The following FCRL5 variants were observed in gnomAD, a reference collection of about 807,000 sequenced individuals.
FCRL5 encodes Fc receptor like 5, also known as Fc receptor-like protein 5.
FCRL5 carries 79 observed loss-of-function variants against 92.1 expected under a neutral mutation model. The observed-to-expected ratio is 0.86, with a 90% CI of 0.72 to 1.03. The LOEUF is 1.03. Among genes scored for constraint, FCRL5 ranks in the 50% least tolerant of loss-of-function variants. The pLI, the probability that FCRL5 is intolerant of heterozygous loss-of-function variation, is 0.00. For synonymous variants in FCRL5, 466 were observed against 469.3 expected, an observed-to-expected ratio of 0.99 and a Z score of 0.09; for missense variants, 1,160 against 1,181.1, an observed-to-expected ratio of 0.98 and a Z score of 0.26.
At position 157,544,901 on chromosome 1, in the gene FCRL5, T is replaced by G. The variant is rs1343366659; in HGVS notation, c.489A>C (p.Ala163=). 1 of 1,614,076 alleles carries G rather than the reference T, an allele frequency of 6.2e-7. No homozygotes were observed. Among genetic ancestry groups the G allele is most frequent in the South Asian group, 1.1e-5 (1 of 91,090 alleles). The change falls in exon 4 of 17, where the codon GCA becomes GCC. Residue 163 remains alanine, a synonymous_variant. Transcript: ENST00000361835. ...IPHACLKDNG[A]YRCTGYKESC... is the part of the protein sequence containing the mutation. ...TTTCCTTATATCCAGTACAGCGATA[T>G]GCACCATTGTCCTTGAGACATGCAT...
intron 8 of FCRL5, chr1:157,533,260 G>A (rs762934367): frequency 1.3e-5 from 2 of 151,850 alleles, no homozygotes; most frequent in Admixed American, 1.3e-4. Flanking sequence ...ATTTTCTGAG[G>A]GTCTCCATTT....
rs137872834 is a variant in FCRL5, at chr1:157,528,091, C to T, written c.1682-196G>A. 1,186 of 510,676 alleles carry T rather than the reference C, an allele frequency of 2.3e-3. 10 individuals carry two copies. The highest frequency in any genetic ancestry group is 0.02 in the African/African-American group (1,030 of 52,218). 31.6% of individuals were successfully genotyped at this position (510,676 alleles called of 1,614,324 possible). On this transcript the variant is annotated intron_variant, in intron 8 of 16. Coordinates refer to ENST00000361835, the MANE Select transcript of FCRL5 (RefSeq NM_031281.3). ...CCCTAAAGACTCATCCAAAAAGCTC[C>T]TAGATCTGATAAATGAGTTCAGTAA...
chr1:157,527,941 A>G, intron 8 of FCRL5, 46 bp from the exon 9 acceptor site: 2 of 1,502,988 alleles, frequency 1.3e-6, no homozygotes, highest in Non-Finnish European at 1.8e-6. Flanking sequence ...TTAAAATTAG[A>G]AACAGCTCTT....
At position 157,544,300 on chromosome 1, in the gene FCRL5, A is replaced by G. The variant is rs1395108281; in HGVS notation, c.806T>C (p.Val269Ala). 4 of 1,614,172 alleles carry G rather than the reference A, an allele frequency of 2.5e-6. No homozygotes were observed. Among genetic ancestry groups the G allele is most frequent in the Non-Finnish European group, 3.4e-6 (4 of 1,180,016 alleles). ...CCAGGATCTCGGGCTGTCAGATATG[A>G]CGCTGTAAGGCATTGTTGCTGCCTT... is the stretch of plus-strand genomic sequence containing the variant. Reference protein sequence around the residue: ...WCKAATMPYSVISDSPRSWIQ... With the variant: ...WCKAATMPYSAISDSPRSWIQ... Residue 269 changes from valine (V) to alanine (A), a missense_variant, in exon 5 of 17, where the codon GTC becomes GCC. Coordinates refer to ENST00000361835, the MANE Select transcript of FCRL5 (RefSeq NM_031281.3).
Position 157,544,539 on chromosome 1 carries a change from A to G in FCRL5, c.567T>C (p.Phe189=). The G allele has an allele frequency of 6.2e-7, 1 of 1,613,848 alleles. No homozygotes were observed. The highest frequency in any genetic ancestry group is 1.1e-5 in the South Asian group (1 of 91,070). The change falls in exon 5 of 17, where the codon TTT becomes TTC. Residue 189 remains phenylalanine (F), a synonymous_variant. Transcript: ENST00000361835. ...NTVKIQVQEP[F]TRPVLRASSF... The stretch of plus-strand genomic sequence containing the variant: ...AGCTGGCTCTCAGCACTGGACGTGT[A>G]AATGGCTCTAGAGAGAAGAATCACA...
rs776346317 is a variant in FCRL5, at chr1:157,534,766, T to A, written c.1529A>T (p.Glu510Val). The change falls in exon 8 of 17, where the codon GAG (glutamate) becomes GTG (valine). Residue 510 changes from glutamate to valine, a missense_variant. Transcript: ENST00000361835. ...TGAGCTGCTCCACAGGGGCATGTCC[T>A]CATGATAAAACTGGTATAGGATTTG... is the stretch of plus-strand genomic sequence containing the variant. The part of the protein sequence containing the change: ...SPQILYQFYH[E>V]DMPLWSSSTP... 5 of 1,614,094 alleles carry A rather than the reference T, an allele frequency of 3.1e-6. No individual in the cohort carries two copies. The South Asian group carries it at 4.4e-5, about 14-fold the overall frequency.
At chr1:157,540,486 T>C (rs1344532321) in intron 6 of FCRL5, among the ~76,000 whole-genome samples, 1 of 151,920 alleles carries the variant, frequency 6.6e-6, no homozygotes, top group Non-Finnish European at 1.5e-5. Context: ...ACTGGCTTCT[T>C]GCAAACACCA....
intron 1 of FCRL5, among the ~76,000 whole-genome samples, chr1:157,552,125 A>G (rs1427879166): frequency 6.6e-6 from 1 of 152,218 alleles, no homozygotes; most frequent in Non-Finnish European, 1.5e-5. Flanking sequence ...CCTACTCTGT[A>G]AGATTGAAAA....
At chr1:157,538,961 G>A in intron 7 of FCRL5, 125 bp downstream of exon 7, 2 of 1,056,028 alleles carry the variant, frequency 1.9e-6, no homozygotes, top group Non-Finnish European at 2.7e-6. Context: ...GAGAGTGGAG[G>A]AGGATATTAG....
At chr1:157,538,321 G>C (rs372103915) in intron 7 of FCRL5, among the ~76,000 whole-genome samples, 11 of 152,092 alleles carry the variant, frequency 7.2e-5, no homozygotes, top group Non-Finnish European at 1.2e-4. Flanking sequence ...GGCCGCTTCC[G>C]GGACCAACCA....
intron 8 of FCRL5, among the ~76,000 whole-genome samples, chr1:157,530,034 A>G (rs2101615288): frequency 6.6e-6 from 1 of 152,394 alleles, no homozygotes; most frequent in East Asian, 1.9e-4. Context: ...CTAAGTAAAA[A>G]TAAAAAGTTT....
intron 7 of FCRL5, among the ~76,000 whole-genome samples, chr1:157,537,481 T>G (rs2101628400): frequency 6.6e-6 from 1 of 152,328 alleles, no homozygotes; most frequent in East Asian, 1.9e-4. Context: ...TGACAATGCG[T>G]GCCCGAAGCT....
At position 157,546,942 on chromosome 1, in the gene FCRL5, C is replaced by A. The variant is rs1224412010; in HGVS notation, c.307+1G>T. ...TTGGTGCGTCTTTCACGCTCTCTCA[C>A]CTGAAGAAAAATCCAAGTGCACAGG... is the stretch of plus-strand genomic sequence containing the variant. On this transcript the variant is annotated splice_donor_variant, in intron 3 of 16. Coordinates refer to ENST00000361835, the MANE Select transcript of FCRL5 (RefSeq NM_031281.3). LOFTEE classifies it high-confidence loss of function. 1 of 1,611,458 alleles carries A rather than the reference C, an allele frequency of 6.2e-7. No individual in the cohort carries two copies. Among genetic ancestry groups the A allele is most frequent in the South Asian group, 1.1e-5 (1 of 90,856 alleles).
At chr1:157,544,061 T>C (rs953142968) in intron 5 of FCRL5, among the ~76,000 whole-genome samples, 8 of 152,170 alleles carry the variant, frequency 5.3e-5, no homozygotes, top group Non-Finnish European at 4.4e-5. Context: ...GAAAAAAAAT[T>C]AGACCTTTCT....
intron 5 of FCRL5, 33 bp downstream of exon 5, chr1:157,544,229 C>T (rs1214435094): frequency 1.2e-6 from 2 of 1,608,610 alleles, no homozygotes; most frequent in African/African-American, 1.3e-5. Flanking sequence ...CCAGCCCTCT[C>T]TGCAGCAAAT....
chr1:157,544,491 G>C lies in FCRL5; in HGVS notation c.615C>G (p.Asn205Lys). The change falls in exon 5 of 17, where the codon AAC becomes AAG. Residue 205 changes from asparagine (N) to lysine (K), a missense_variant. Coordinates refer to ENST00000361835, the MANE Select transcript of FCRL5 (RefSeq NM_031281.3). The stretch of plus-strand genomic sequence containing the variant: ...GGGTCTCACAGGTCAGGGTCACTGG[G>C]TTCCCGCTGATGGGCTGGAAGGAGC... Reference protein sequence around the residue: ...RASSFQPISGNPVTLTCETQL... With the variant: ...RASSFQPISGKPVTLTCETQL... 6.2e-7 allele frequency: 1 copy of C among 1,614,186 alleles called. No individual in the cohort carries two copies. Among genetic ancestry groups the C allele is most frequent in the Non-Finnish European group, 8.5e-7 (1 of 1,180,028 alleles).
rs1651132195 is a variant in FCRL5 at position 157,539,246 on chromosome 1, A to G, written c.1242T>C (p.Phe414=). ...GCTCCAGGGCAGCACCCTCATGATG[A>G]AACTGGTACAGGATGGGGAGTGAAC... ...QRGSLPILYQ[F]HHEGAALERR... Residue 414 remains phenylalanine (F), a synonymous_variant, in exon 7 of 17, where the codon TTT becomes TTC. Coordinates refer to ENST00000361835, the MANE Select transcript of FCRL5 (RefSeq NM_031281.3). 2 of 1,614,094 alleles carry G rather than the reference A, an allele frequency of 1.2e-6. No homozygotes were observed. Among genetic ancestry groups the G allele is most frequent in the South Asian group, 1.1e-5 (1 of 91,088 alleles).
At chr1:157,545,552 G>A (rs1342688480) in intron 3 of FCRL5, among the ~76,000 whole-genome samples, 5 of 108,564 alleles carry the variant, frequency 4.6e-5, no homozygotes, top group African/African-American at 1.6e-4. Flanking sequence ...TTTTTGAGAC[G>A]GAGTCTCACT....
At chr1:157,518,844 C>A in intron 13 of FCRL5, 62 bp from the exon 14 acceptor site, 1 of 1,390,220 alleles carries the variant, frequency 7.2e-7, no homozygotes. Context: ...ATAATGATCA[C>A]TCCTAGTGAG....
Sources: gnomAD v4.1 joint callset for allele counts (sites outside exome capture counted in the v4.1 genomes callset) on GRCh38, gnomAD v4.1.1 for gene constraint, MANE v1.5 for transcripts, NCBI Gene and HGNC (gene_info 2026-07-23, HGNC 2026-07-21) for gene names.